PTGDS: variants seen among roughly 807,000 people sequenced by gnomAD.
PTGDS encodes prostaglandin D2 synthase.
PTGDS carries 21 observed loss-of-function variants against 28.4 expected under a neutral mutation model. The observed-to-expected ratio is 0.74, with a 90% CI of 0.52 to 1.07. The LOEUF (loss-of-function observed/expected upper bound fraction) is 1.07, where lower values mean the gene tolerates loss of function less well. Among genes scored for constraint, PTGDS ranks in the 50% least tolerant of loss-of-function variants. PTGDS has a pLI of 0.00. For synonymous variants in PTGDS, 102 were observed against 106.0 expected (o/e 0.96, Z 0.23); for missense variants, 243 against 247.7 (o/e 0.98, Z 0.13).
chr9:136,978,898 A>G, intron 1 of PTGDS, 95 bp from the exon 2 acceptor site: 1 of 1,531,088 alleles, frequency 6.5e-7, no homozygotes, highest in African/African-American at 1.4e-5. Flanking sequence ...GCCGGGTTGG[A>G]GACCGGAGGA....
At chr9:136,978,959 C>A (rs748159277) in intron 1 of PTGDS, 34 bp from the exon 2 acceptor site, 1 of 1,598,816 alleles carries the variant, frequency 6.3e-7, no homozygotes, top group South Asian at 1.1e-5. Context: ...TCCGGAGGGT[C>A]CTGGCCGACG....
Position 136,980,653 on chromosome 9 carries a change from G to A in PTGDS, c.551-180G>A, listed in dbSNP as rs561963016. The A allele has an allele frequency of 2.6e-6, 4 of 1,557,584 alleles. No individual in the cohort carries two copies. The South Asian group carries it at 4.7e-5, about 18-fold the overall frequency. ...TGGACAGCCTGCTCTTGGCAGAGGT[G>A]GAGAAAGACCCTCTCTTTGTTTCCA... is the stretch of plus-strand genomic sequence containing the variant. On this transcript the variant is annotated intron_variant, in intron 5 of 6. Coordinates refer to ENST00000371625, the MANE Select transcript of PTGDS (RefSeq NM_000954.6).
At chr9:136,979,173 C>A in intron 2 of PTGDS, 41 bp downstream of exon 2, 1 of 1,613,048 alleles carries the variant, frequency 6.2e-7, no homozygotes. Context: ...CGGAGAGGTC[C>A]AGGGACACCC....
rs769689160 is a variant in PTGDS, at chr9:136,977,710, G to A, written c.114+18G>A. On this transcript the variant is annotated intron_variant, in intron 1 of 6. Coordinates refer to ENST00000371625, the MANE Select transcript of PTGDS (RefSeq NM_000954.6). Reference sequence around the variant, plus strand: ...AGGACAAGGTGAGGGGCTTTCCTGCGTCATCCCCAAGGGCTACAGGACCCT... The same window carrying A: ...AGGACAAGGTGAGGGGCTTTCCTGCATCATCCCCAAGGGCTACAGGACCCT... The A allele has an allele frequency of 7.7e-6, 12 of 1,558,070 alleles. 1 individual carries two copies. Among genetic ancestry groups the A allele is most frequent in the South Asian group, 5.8e-5 (5 of 86,156 alleles).
At chr9:136,979,374 C>T (rs768199769) in intron 3 of PTGDS, 75 bp downstream of exon 3, 15 of 1,580,088 alleles carry the variant, frequency 9.5e-6, no homozygotes, top group African/African-American at 4.1e-5. Context: ...GGGCCAGCCC[C>T]CTGCCGCGGA....
rs756487511 is a variant in PTGDS at position 136,979,984 on chromosome 9, G to A, written c.370G>A (p.Asp124Asn). The A allele has an allele frequency of 1.9e-5, 31 of 1,613,078 alleles. No individual in the cohort carries two copies. Among genetic ancestry groups the A allele is most frequent in the African/African-American group, 1.2e-4 (9 of 74,910 alleles). Residue 124 changes from aspartate to asparagine, a missense_variant, in exon 4 of 7, where the codon GAC becomes AAC. Physicochemically the swap from Asp to Asn is conservative, Grantham distance 23. Coordinates refer to ENST00000371625, the MANE Select transcript of PTGDS (RefSeq NM_000954.6). ...CTACTCCGTGTCAGTGGTGGAGACC[G>A]ACTACGACCAGTACGCGCTGCTGTA... ...STYSVSVVET[D>N]YDQYALLYSQ...
intron 1 of PTGDS, 175 bp from the exon 2 acceptor site, chr9:136,978,818 G>A: frequency 3.4e-6 from 3 of 873,222 alleles, no homozygotes; most frequent in Non-Finnish European, 5.2e-6. Flanking sequence ...GGGGATTGAG[G>A]GGCGGGGGTC....
rs781284020 is a variant in PTGDS at position 136,977,555 on chromosome 9, G to A, written c.-24G>A. 17 of 1,552,656 alleles carry A rather than the reference G, an allele frequency of 1.1e-5. No homozygotes were observed. In the Admixed American group the frequency reaches 1.1e-4, roughly 10 times the overall value. On this transcript the variant is annotated 5_prime_UTR_variant, in exon 1 of 7. Coordinates refer to ENST00000371625, the MANE Select transcript of PTGDS (RefSeq NM_000954.6). The stretch of plus-strand genomic sequence containing the variant: ...TCCCACACCACTGGCACCAGGCCCC[G>A]GACACCCGCTCTGCTGCAGGAGAAT...
intron 1 of PTGDS, 153 bp from the exon 2 acceptor site, chr9:136,978,840 C>T: frequency 3.9e-6 from 3 of 762,706 alleles, no homozygotes; most frequent in Non-Finnish European, 5.1e-6. Context: ...GTTCCTGGGG[C>T]GGGGCGTGAG....
At chr9:136,979,383 G>A in intron 3 of PTGDS, 84 bp downstream of exon 3, 1 of 1,577,292 alleles carries the variant, frequency 6.3e-7, no homozygotes, top group South Asian at 1.2e-5. Context: ...CCCTGCCGCG[G>A]AGATCCATGG....
chr9:136,979,693 C>A (rs374742322), intron 3 of PTGDS: 4 of 608,524 alleles, frequency 6.6e-6, no homozygotes, highest in Non-Finnish European at 1.2e-5. Flanking sequence ...CCGGTTCTGG[C>A]AGCGACTTCT....
At position 136,977,632 on chromosome 9, in the gene PTGDS, C is replaced by A. The variant is rs762788193; in HGVS notation, c.54C>A (p.Gly18=). The A allele has an allele frequency of 7.5e-6, 12 of 1,609,380 alleles. No individual in the cohort carries two copies. In the East Asian group the frequency reaches 2.7e-4, roughly 36 times the overall value. ...WMGLALLGVL[G]DLQAAPEAQV... ...GACTGGCCCTGCTGGGGGTGCTGGG[C>A]GACCTGCAGGCAGCACCGGAGGCCC... The change falls in exon 1 of 7, where the codon GGC becomes GGA. Residue 18 remains glycine (G), a synonymous_variant. Coordinates refer to ENST00000371625, the MANE Select transcript of PTGDS (RefSeq NM_000954.6).
chr9:136,980,739 C>T (rs774745924), intron 5 of PTGDS, 94 bp from the exon 6 acceptor site: 13 of 1,613,330 alleles, frequency 8.1e-6, no homozygotes, highest in African/African-American at 4.0e-5. Flanking sequence ...TCAGTCAAGA[C>T]GAGCTCTGCG....
chr9:136,977,834 G>A (rs1173287028), intron 1 of PTGDS, 142 bp downstream of exon 1: 2 of 749,390 alleles, frequency 2.7e-6, no homozygotes, highest in Non-Finnish European at 4.1e-6. Context: ...GAGCGGGCGC[G>A]CAGGAAGGAG....
chr9:136,977,547 C>T lies in PTGDS; in HGVS notation c.-32C>T, dbSNP rs751612151. 7 of 1,515,414 alleles carry T rather than the reference C, an allele frequency of 4.6e-6. No homozygotes were observed. In the South Asian group the frequency reaches 8.3e-5, roughly 18 times the overall value. The allele number at this position is 1,515,414 out of a possible 1,614,324, so 93.9% of individuals were successfully genotyped here. The stretch of plus-strand genomic sequence containing the variant: ...CCTCGCTCTCCCACACCACTGGCAC[C>T]AGGCCCCGGACACCCGCTCTGCTGC... On this transcript the variant is annotated 5_prime_UTR_variant, in exon 1 of 7. Coordinates refer to ENST00000371625, the MANE Select transcript of PTGDS (RefSeq NM_000954.6).
rs1177587160 is a variant in PTGDS at position 136,980,872 on chromosome 9, A to ATTCAT, written c.*19_*23dup. 2 of 1,546,048 alleles carry ATTCAT rather than the reference A, an allele frequency of 1.3e-6. No homozygotes were observed. Among genetic ancestry groups the ATTCAT allele is most frequent in the East Asian group, 4.6e-5 (2 of 43,078 alleles). On this transcript the variant is annotated intron_variant, in intron 6 of 6. Transcript: ENST00000371625. ...GAACAATAGGTGAGCCACTCCATTC[A>ATTCAT]TTCATTCATTCATTCATTCATTCAT...
At chr9:136,978,821 C>CG (rs1222548692) in intron 1 of PTGDS, 172 bp from the exon 2 acceptor site, 3 of 586,208 alleles carry the variant, frequency 5.1e-6, no homozygotes, top group South Asian at 7.5e-5. Context: ...GATTGAGGGG[C>CG]GGGGGTCAGT....
intron 1 of PTGDS, 200 bp from the exon 2 acceptor site, chr9:136,978,793 G>C: frequency 1.6e-6 from 1 of 638,944 alleles, no homozygotes; most frequent in Non-Finnish European, 2.5e-6. Flanking sequence ...GAGGGGCGGG[G>C]TCATCTCCTG....
rs1564196179 is a variant in PTGDS at position 136,979,060 on chromosome 9, C to T, written c.182C>T (p.Ala61Val). ...AGCTGGCTCCGGGAGAAGAAGGCGG[C>T]GTTGTCCATGTGCAAGTCTGTGGTG... ...NSSWLREKKA[A>V]LSMCKSVVAP... Residue 61 changes from alanine to valine, a missense_variant, in exon 2 of 7, where the codon GCG (alanine) becomes GTG (valine). Coordinates refer to ENST00000371625, the MANE Select transcript of PTGDS (RefSeq NM_000954.6). 3.1e-6 allele frequency: 5 copies of T among 1,608,680 alleles called. No individual in the cohort carries two copies. The highest frequency in any genetic ancestry group is 1.7e-4 in the Middle Eastern group (1 of 6,042).
Sources: gnomAD v4.1 joint callset for allele counts on GRCh38, gnomAD v4.1.1 for gene constraint, MANE v1.5 for transcripts, NCBI Gene and HGNC (gene_info 2026-07-23, HGNC 2026-07-21) for gene names.